DOCK3: variants seen among roughly 807,000 people sequenced by gnomAD.
DOCK3 encodes dedicator of cytokinesis 3.
Under a neutral mutation model 265.6 loss-of-function variants are expected in DOCK3, and 60 were observed. The observed-to-expected ratio is 0.23, with a 90% CI of 0.18 to 0.28. The LOEUF (loss-of-function observed/expected upper bound fraction) is 0.28. Ranked by LOEUF, DOCK3 falls within the 10% of genes least tolerant of loss-of-function variation. The pLI, the probability that DOCK3 is intolerant of heterozygous loss-of-function variation, is 1.00. For synonymous variants in DOCK3, 881 were observed against 938.0 expected (o/e 0.94, Z 1.11); for missense variants, 1,981 against 2,594.3 (o/e 0.76, Z 5.14).
At chr3:50,766,351 C>G (rs530776532) in intron 1 of DOCK3, among the ~76,000 whole-genome samples, 9 of 149,550 alleles carry the variant, frequency 6.0e-5, no homozygotes, top group African/African-American at 2.2e-4. Context: ...CAATACCCAC[C>G]TATGAGTGAG....
intron 27 of DOCK3, among the ~76,000 whole-genome samples, chr3:51,305,837 T>C (rs1441794224): frequency 1.4e-4 from 16 of 114,004 alleles, no homozygotes; most frequent in African/African-American, 4.8e-4. Flanking sequence ...TCTTCTTCTT[T>C]TTTTTTTTTT....
In DOCK3 at chr3:50,869,342, A is replaced by ATTTTTTTTTTTTTTTTTTTTTTT. The variant is rs755531254; in HGVS notation, c.163-20658_163-20636dup. ...TCAATTTTATTTATTTCTGCTGGGA[A>ATTTTTTTTTTTTTTTTTTTTTTT]TTTTTTTTTTTTTTTTTTTTTTTTT... On this transcript the variant is annotated intron_variant, in intron 3 of 52. Transcript: ENST00000266037. Among the ~76,000 whole-genome samples the ATTTTTTTTTTTTTTTTTTTTTTT allele has an allele frequency of 4.6e-3, 322 of 70,106 alleles. 156 individuals are homozygous for ATTTTTTTTTTTTTTTTTTTTTTT. The highest frequency in any genetic ancestry group is 5.6e-3 in the Non-Finnish European group (221 of 39,204). 46.0% of individuals were successfully genotyped at this position (70,106 alleles called of 152,430 possible). A position where few individuals can be genotyped will look rare whatever the true frequency, so the allele number is the denominator to read the frequency against.
At chr3:50,969,288 T>C (rs1464465879) in intron 5 of DOCK3, among the ~76,000 whole-genome samples, 1 of 152,222 alleles carries the variant, frequency 6.6e-6, no homozygotes, top group Non-Finnish European at 1.5e-5. Context: ...AATATAAATA[T>C]AGCCACTTCT....
intron 1 of DOCK3, among the ~76,000 whole-genome samples, chr3:50,731,690 A>G (rs894735997): frequency 6.6e-6 from 1 of 152,224 alleles, no homozygotes; most frequent in African/African-American, 2.4e-5. Context: ...AAAGAGTCCC[A>G]TCATCCAAGA....
Position 51,354,871 on chromosome 3 carries a change from G to T in DOCK3, c.4108-11G>T, listed in dbSNP as rs2086258214. The T allele has an allele frequency of 1.9e-6, 3 of 1,612,880 alleles. No individual in the cohort carries two copies. In the East Asian group the frequency reaches 6.7e-5, roughly 36 times the overall value. ...AAGCATACATAGAGTGTGCTCTTCT[G>T]TTTGTGGCAGAACAAAGAATACGTG... On this transcript the variant is annotated splice_polypyrimidine_tract_variant and intron_variant, in intron 40 of 52. Transcript: ENST00000266037.
At chr3:51,067,265 AAAAC>A (rs1196596661) in intron 6 of DOCK3, among the ~76,000 whole-genome samples, 3 of 152,192 alleles carry the variant, frequency 2.0e-5, no homozygotes, top group African/African-American at 7.2e-5. Flanking sequence ...TGAAACTTGA[AAAAC>A]AAACCAATCT....
Position 51,016,767 on chromosome 3 carries a change from ATGTT to A in DOCK3, c.316-47679_316-47676del, listed in dbSNP as rs1458885815. ...TATATCAATATAATATATATGATAT[ATGTT>A]TATATATATCATATATAAATATATA... On this transcript the variant is annotated intron_variant, in intron 5 of 52. Transcript: ENST00000266037. Among the ~76,000 whole-genome samples the A allele has an allele frequency of 7.2e-4, 29 of 40,256 alleles. 6 individuals are homozygous for A. The highest frequency in any genetic ancestry group is 3.7e-3 in the African/African-American group (28 of 7,552). 26.4% of individuals were successfully genotyped at this position (40,256 alleles called of 152,430 possible).
chr3:51,266,325 C>G (rs1197699660), intron 23 of DOCK3, among the ~76,000 whole-genome samples: 2 of 152,182 alleles, frequency 1.3e-5, no homozygotes, highest in Admixed American at 6.5e-5. Context: ...TTAGAAAAAA[C>G]TACTTTAAAG....
At chr3:50,821,081 C>A (rs915087133) in intron 2 of DOCK3, among the ~76,000 whole-genome samples, 6 of 150,592 alleles carry the variant, frequency 4.0e-5, no homozygotes, top group Non-Finnish European at 5.9e-5. Context: ...AATATTTTTT[C>A]CCATTCTGTA....
chr3:51,043,954 A>G (rs1247457464), intron 5 of DOCK3, among the ~76,000 whole-genome samples: 2 of 152,156 alleles, frequency 1.3e-5, no homozygotes, highest in Non-Finnish European at 2.9e-5. Flanking sequence ...GTGGAGAAAA[A>G]GGAATATTTA....
At chr3:50,767,825 G>A (rs1047382787) in intron 1 of DOCK3, among the ~76,000 whole-genome samples, 27 of 152,182 alleles carry the variant, frequency 1.8e-4, no homozygotes, top group Middle Eastern at 3.4e-3. Context: ...TCCTTGAAGA[G>A]GTCCTTCACA....
intron 4 of DOCK3, among the ~76,000 whole-genome samples, chr3:50,895,203 G>A (rs1049178170): frequency 4.5e-5 from 6 of 134,374 alleles, no homozygotes; most frequent in Non-Finnish European, 6.4e-5. Context: ...TTTTATCCCC[G>A]CTTTTTTTTT....
chr3:51,198,319 C>T (rs918646085), intron 12 of DOCK3, among the ~76,000 whole-genome samples: 2 of 152,170 alleles, frequency 1.3e-5, no homozygotes, highest in Admixed American at 6.5e-5. Context: ...TCTTTACCTC[C>T]TTGTTCTGGG....
At chr3:51,326,583 TTTGTTGTTGTTGTTGTTG>T (rs148344271) in intron 32 of DOCK3, among the ~76,000 whole-genome samples, 50 of 140,118 alleles carry the variant, frequency 3.6e-4, no homozygotes, top group South Asian at 1.2e-3. Flanking sequence ...CCTGGCATGT[TTTGTTGTTGTTGTTGTTG>T]TTGTTGTTGT....
intron 9 of DOCK3, among the ~76,000 whole-genome samples, chr3:51,106,777 A>G (rs2083297774): frequency 6.6e-6 from 1 of 152,050 alleles, no homozygotes; most frequent in Non-Finnish European, 1.5e-5. Flanking sequence ...CACTAATAGG[A>G]GGGGGTGCCC....
At chr3:51,197,692 G>T (rs1430175567) in intron 12 of DOCK3, among the ~76,000 whole-genome samples, 1 of 152,136 alleles carries the variant, frequency 6.6e-6, no homozygotes, top group Non-Finnish European at 1.5e-5. Flanking sequence ...CAGCCATCAT[G>T]GACAGGGCAC....
At chr3:50,806,872 A>G (rs1027451075) in intron 2 of DOCK3, among the ~76,000 whole-genome samples, 1 of 152,040 alleles carries the variant, frequency 6.6e-6, no homozygotes, top group African/African-American at 2.4e-5. Context: ...CCCAACCTGG[A>G]GCAGTGCAGT....
At chr3:51,281,305 A>ATATATATC (rs1491189823) in intron 27 of DOCK3, among the ~76,000 whole-genome samples, 1 of 132,740 alleles carries the variant, frequency 7.5e-6, no homozygotes, top group African/African-American at 2.7e-5. Flanking sequence ...ATATATATAT[A>ATATATATC]TCTCATAATA....
intron 1 of DOCK3, among the ~76,000 whole-genome samples, chr3:50,736,886 C>T (rs1188965797): frequency 1.7e-4 from 26 of 151,696 alleles, no homozygotes; most frequent in African/African-American, 3.9e-4. Flanking sequence ...TTAGTAGAGA[C>T]GGGGTTTCAC....
Sources: allele counts gnomAD v4.1 joint callset (sites outside exome capture counted in the v4.1 genomes callset), GRCh38; gene constraint gnomAD v4.1.1; transcripts MANE v1.5; gene names NCBI Gene and HGNC (gene_info 2026-07-23, HGNC 2026-07-21).